Variants in HIVEP3 observed in about 807,000 individuals in gnomAD.
HIVEP3 encodes transcription factor HIVEP3.
Under a neutral mutation model 152.8 loss-of-function variants are expected in HIVEP3, and 49 were observed. That is an observed-to-expected ratio of 0.32 (90% CI 0.26 to 0.41). The LOEUF (loss-of-function observed/expected upper bound fraction) is 0.41, where lower values mean the gene tolerates loss of function less well. Among genes scored for constraint, HIVEP3 ranks in the 10% least tolerant of loss-of-function variants. The pLI is 1.00. For missense variants in HIVEP3, 2,790 were observed against 3,103.3 expected, an observed-to-expected ratio of 0.90 and a Z score of 2.40; for synonymous variants, 1,269 against 1,289.0, an observed-to-expected ratio of 0.98 and a Z score of 0.33.
chr1:42,019,436 A>C (rs953493016), intron 1 of HIVEP3, among the ~76,000 whole-genome samples: 2 of 152,100 alleles, frequency 1.3e-5, no homozygotes, highest in Admixed American at 1.3e-4. Flanking sequence ...TCTTGTTTTC[A>C]ATGTAGAAAT....
chr1:41,884,826 G>A (rs1212032684), intron 1 of HIVEP3, among the ~76,000 whole-genome samples: 1 of 148,758 alleles, frequency 6.7e-6, no homozygotes, highest in East Asian at 2.1e-4. Context: ...CTTGGCAGAG[G>A]GCAGCAGCCA....
intron 1 of HIVEP3, among the ~76,000 whole-genome samples, chr1:41,987,103 T>C (rs899866100): frequency 1.3e-4 from 20 of 152,336 alleles, no homozygotes; most frequent in African/African-American, 3.6e-4. Flanking sequence ...CCAGACATCA[T>C]TGTAGGTACC....
At chr1:41,793,740 T>A (rs1452930257) in intron 1 of HIVEP3, among the ~76,000 whole-genome samples, 1 of 152,224 alleles carries the variant, frequency 6.6e-6, no homozygotes, top group Non-Finnish European at 1.5e-5. Context: ...CAGCCACAGG[T>A]ACTGTGACTT....
At position 41,511,814 on chromosome 1, in the gene HIVEP3, G is replaced by A. The variant is rs7518851; in HGVS notation, c.6406-548C>T. 6.6e-6 allele frequency among the ~76,000 whole-genome samples: 1 copy of A among 152,124 alleles called. No homozygotes were observed. The highest frequency in any genetic ancestry group is 6.5e-5 in the Admixed American group (1 of 15,280). ...CGGGGACAGAGAAGGTGTCGGAAGGGGGTCAGCTGACAATGATGGTGCTAT... is the reference window on the plus strand; with the variant it reads ...CGGGGACAGAGAAGGTGTCGGAAGGAGGTCAGCTGACAATGATGGTGCTAT... On this transcript the variant is annotated intron_variant, in intron 8 of 8. Coordinates refer to ENST00000372583, the MANE Select transcript of HIVEP3 (RefSeq NM_024503.5). This position sits in a 1 kb window ranked among gnomAD's most constrained non-coding sequence, Gnocchi z 4.9.
rs1352396483 is a variant in HIVEP3 at position 41,509,490 on chromosome 1, G to A, written c.*961C>T. The A allele has an allele frequency of 6.6e-6, 1 of 152,284 alleles. No homozygotes were observed. Among genetic ancestry groups the A allele is most frequent in the East Asian group, 1.9e-4 (1 of 5,190 alleles). The allele number at this position is 152,284 out of a possible 1,614,324, so 9.4% of individuals were successfully genotyped here. On this transcript the variant is annotated 3_prime_UTR_variant, in exon 9 of 9. Coordinates refer to ENST00000372583, the MANE Select transcript of HIVEP3 (RefSeq NM_024503.5). Reference sequence around the variant, plus strand: ...CTCAGGAACGGCCGCTAGGGCTCGGGCCCTGCCACTTCTGCCTTTGTGGGT... The same window carrying A: ...CTCAGGAACGGCCGCTAGGGCTCGGACCCTGCCACTTCTGCCTTTGTGGGT...
chr1:41,956,723 T>C (rs1042362077), intron 1 of HIVEP3, among the ~76,000 whole-genome samples: 1 of 152,220 alleles, frequency 6.6e-6, no homozygotes, highest in Non-Finnish European at 1.5e-5. Context: ...AAGTTAGGTA[T>C]GAAGTTTGAA....
intron 5 of HIVEP3, among the ~76,000 whole-genome samples, chr1:41,547,847 C>G (rs959179410): frequency 6.6e-6 from 1 of 150,904 alleles, no homozygotes; most frequent in African/African-American, 2.4e-5. Flanking sequence ...CCACACTCCA[C>G]GGACACCTTC....
chr1:41,879,617 T>C (rs1557478199), intron 1 of HIVEP3, among the ~76,000 whole-genome samples: 3 of 152,170 alleles, frequency 2.0e-5, no homozygotes, highest in African/African-American at 7.2e-5. Flanking sequence ...CCTCCCTTCA[T>C]CTCCCTGCCT....
At chr1:41,644,693 C>CTTTGTTTTT (rs1645431452) in intron 2 of HIVEP3, among the ~76,000 whole-genome samples, 1 of 74,734 alleles carries the variant, frequency 1.3e-5, no homozygotes, top group Non-Finnish European at 2.4e-5. Flanking sequence ...CATATCTGTT[C>CTTTGTTTTT]TTTTTTTTTT....
chr1:41,633,281 C>T (rs1356312512), intron 2 of HIVEP3, among the ~76,000 whole-genome samples: 1 of 152,110 alleles, frequency 6.6e-6, no homozygotes, highest in Non-Finnish European at 1.5e-5. Context: ...CCAGAAAGTC[C>T]GAGGGAAAAC....
intron 1 of HIVEP3, among the ~76,000 whole-genome samples, chr1:41,928,376 G>C (rs946283191): frequency 6.6e-6 from 1 of 151,834 alleles, no homozygotes; most frequent in African/African-American, 2.4e-5. Context: ...TTTTTATTTT[G>C]AAATAATTTT....
intron 1 of HIVEP3, among the ~76,000 whole-genome samples, chr1:41,998,887 C>CTTTTTTTTTTTTTTT (rs1184823372): frequency 1.8e-4 from 14 of 77,314 alleles, no homozygotes; most frequent in East Asian, 6.3e-4. Flanking sequence ...TTTTCTCTCT[C>CTTTTTTTTTTTTTTT]TCTTTTTTTT....
At chr1:41,602,572 A>G (rs1480424744) in intron 3 of HIVEP3, among the ~76,000 whole-genome samples, 2 of 152,066 alleles carry the variant, frequency 1.3e-5, no homozygotes. Context: ...CTGTGGCATC[A>G]GTTGTGATGT....
intron 1 of HIVEP3, among the ~76,000 whole-genome samples, chr1:41,748,494 G>A (rs988944306): frequency 6.6e-6 from 1 of 152,200 alleles, no homozygotes; most frequent in African/African-American, 2.4e-5. Flanking sequence ...AGGGGGCAGC[G>A]CTGTGAACAG....
intron 3 of HIVEP3, among the ~76,000 whole-genome samples, chr1:41,608,767 T>C (rs535538124): frequency 6.6e-6 from 1 of 152,296 alleles, no homozygotes; most frequent in East Asian, 1.9e-4. Context: ...TGTTATGATG[T>C]CATCCTTTCA....
rs781415254 is a variant in HIVEP3 at position 41,582,150 on chromosome 1, T to C, written c.2648A>G (p.Glu883Gly). The change falls in exon 4 of 9, where the codon GAG (glutamate) becomes GGG (glycine). Residue 883 changes from glutamate to glycine, a missense_variant. By Grantham distance (98) the Glu-to-Gly change is moderately conservative. Around this residue, in one of 9 missense-constraint regions of HIVEP3, gnomAD observed 1,078 missense variants for 1,165.3 expected, o/e 0.93. Coordinates refer to ENST00000372583, the MANE Select transcript of HIVEP3 (RefSeq NM_024503.5). This position sits in a 1 kb window ranked among gnomAD's most constrained non-coding sequence, Gnocchi z 4.7. ...CTGGCTGCGCTGGGGCCATTGGAAC[T>C]CCTCAGTCTTCTCAGGTTCCTTAGG... ...PPPKEPEKTEEFQWPQRSQTL... is the reference protein window; with the variant it reads ...PPPKEPEKTEGFQWPQRSQTL... 2.6e-5 allele frequency: 42 copies of C among 1,613,884 alleles called. No homozygotes were observed. The highest frequency in any genetic ancestry group is 3.5e-5 in the Non-Finnish European group (41 of 1,179,964).
chr1:41,645,322 G>A (rs1226242606), intron 2 of HIVEP3, among the ~76,000 whole-genome samples: 4 of 152,208 alleles, frequency 2.6e-5, no homozygotes, highest in Non-Finnish European at 5.9e-5. Flanking sequence ...GGGAGGGAGA[G>A]AAGATGAGGG....
At chr1:41,815,826 G>A (rs1343121311) in intron 1 of HIVEP3, among the ~76,000 whole-genome samples, 7 of 151,808 alleles carry the variant, frequency 4.6e-5, no homozygotes, top group African/African-American at 1.5e-4. Flanking sequence ...CCGGAGTGCA[G>A]TGGTGGGATC....
intron 2 of HIVEP3, among the ~76,000 whole-genome samples, chr1:41,685,455 A>C (rs1464021765): frequency 6.6e-6 from 1 of 152,200 alleles, no homozygotes; most frequent in Non-Finnish European, 1.5e-5. Flanking sequence ...TAAGTTCCTC[A>C]AGGGAACTGG....
Sources: allele counts gnomAD v4.1 joint callset (sites outside exome capture counted in the v4.1 genomes callset), GRCh38; gene constraint gnomAD v4.1.1; regional missense constraint gnomAD v4.1.1; non-coding constraint Gnocchi (gnomAD v3.1); transcripts MANE v1.5; gene names NCBI Gene and HGNC (gene_info 2026-07-23, HGNC 2026-07-21).